Variants in ARHGAP29 observed in about 807,000 individuals in gnomAD.
ARHGAP29 encodes Rho GTPase activating protein 29, also known as rho GTPase-activating protein 29.
Under a neutral mutation model 122.6 loss-of-function variants are expected in ARHGAP29, and 43 were observed. That is an observed-to-expected ratio of 0.35 (90% CI 0.27 to 0.45). The LOEUF is 0.45. ARHGAP29 is among the 20% of genes least tolerant of loss of function. ARHGAP29 has a pLI of 1.00. For missense variants in ARHGAP29, 1,303 were observed against 1,477.2 expected (o/e 0.88, Z 1.93); for synonymous variants, 506 against 497.1 (o/e 1.02, Z -0.24).
Position 94,178,095 on chromosome 1 carries a change from A to G in ARHGAP29, c.2553T>C (p.Ile851=), listed in dbSNP as rs1436242635. The change falls in exon 21 of 23, where the codon ATT becomes ATC. Residue 851 remains isoleucine, a synonymous_variant. Transcript: ENST00000260526. ...NLGVIFGPSL[I]RPRPTTAPIT... is the part of the protein sequence containing the mutation. ...TAGGAGCAGTTGTGGGCCTTGGCCT[A>G]ATGAGACTTGGTCCAAATATCACCC... is the stretch of plus-strand genomic sequence containing the variant. 2.5e-6 allele frequency: 4 copies of G among 1,614,160 alleles called. No homozygotes were observed. The highest frequency in any genetic ancestry group is 3.4e-6 in the Non-Finnish European group (4 of 1,180,030).
At chr1:94,309,752 T>G in the ARHGAP29 span, among the ~76,000 whole-genome samples, 1 of 152,146 alleles carries the variant, frequency 6.6e-6, no homozygotes, top group Non-Finnish European at 1.5e-5. Context: ...TTCGAAGACA[T>G]GAGAGTCAAT....
At chr1:94,177,352 A>G (rs1649158791) in intron 22 of ARHGAP29, 1 of 299,372 alleles carries the variant, frequency 3.3e-6, no homozygotes, top group Non-Finnish European at 6.2e-6. Context: ...TCAAAAACAA[A>G]AACAAAATTC....
At chr1:94,265,619 G>A (rs1355496702) in intron 1 of ARHGAP29, among the ~76,000 whole-genome samples, 1 of 152,162 alleles carries the variant, frequency 6.6e-6, no homozygotes, top group Non-Finnish European at 1.5e-5. Flanking sequence ...TCCCTCTATA[G>A]CGTGTTCTTA....
At chr1:94,219,551 T>G in intron 3 of ARHGAP29, among the ~76,000 whole-genome samples, 1 of 152,280 alleles carries the variant, frequency 6.6e-6, no homozygotes, top group East Asian at 1.9e-4. Flanking sequence ...CAGCTTCCGC[T>G]CATTTAAGCC....
chr1:94,173,900 T>C lies in ARHGAP29; in HGVS notation c.3755A>G (p.Asp1252Gly). The change falls in exon 23 of 23, where the codon GAC becomes GGC. Residue 1252 changes from aspartate to glycine, a missense_variant. Around this residue, in one of 3 missense-constraint regions of ARHGAP29, gnomAD observed 620 missense variants for 651.2 expected, o/e 0.95. Transcript: ENST00000260526. ...AAATTGTGGAATTTCACCTTCGAGG[T>C]CTTCAAACTGTTGCATTCGTTTTAG... is the stretch of plus-strand genomic sequence containing the variant. ...PRLKRMQQFE[D>G]LEGEIPQFV 6.2e-7 allele frequency: 1 copy of C among 1,607,408 alleles called. No homozygotes were observed. Among genetic ancestry groups the C allele is most frequent in the Admixed American group, 1.7e-5 (1 of 59,264 alleles).
chr1:94,296,149 T>A, the ARHGAP29 span, among the ~76,000 whole-genome samples: 1 of 152,212 alleles, frequency 6.6e-6, no homozygotes, highest in African/African-American at 2.4e-5. Context: ...ATTCATAAGT[T>A]TTAAATTGTG....
intron 1 of ARHGAP29, among the ~76,000 whole-genome samples, chr1:94,243,799 G>C (rs1055861269): frequency 6.6e-6 from 1 of 151,500 alleles, no homozygotes; most frequent in Non-Finnish European, 1.5e-5. Context: ...GGCTGATCGA[G>C]AAATAGAGAA....
rs368861768 is a variant in ARHGAP29, at chr1:94,243,267, A to G, written c.-32-11624T>C. ...GAATATGCATTCATTTCAAATGTAT[A>G]TGGAATATTCATAAGATAGGCCATA... On this transcript the variant is annotated intron_variant and NMD_transcript_variant, in intron 1 of 25. Coordinates refer to the ARHGAP29 transcript ENST00000552844. Among the ~76,000 whole-genome samples, 8 of 152,074 alleles carry G rather than the reference A, an allele frequency of 5.3e-5. No homozygotes were observed. In the East Asian group the frequency reaches 7.7e-4, roughly 15 times the overall value.
chr1:94,289,615 A>G, the ARHGAP29 span, among the ~76,000 whole-genome samples: 6 of 152,292 alleles, frequency 3.9e-5, no homozygotes, highest in African/African-American at 1.4e-4. Context: ...TCAGTATGAT[A>G]TTGGCTGTGG....
chr1:94,211,430 G>A (rs151058673), intron 3 of ARHGAP29, among the ~76,000 whole-genome samples: 53 of 151,182 alleles, frequency 3.5e-4, no homozygotes, highest in Non-Finnish European at 7.1e-4. Context: ...ATAACCCTTC[G>A]CAATAACTGA....
chr1:94,210,326 T>C (rs1260028119), intron 3 of ARHGAP29, among the ~76,000 whole-genome samples: 9 of 152,196 alleles, frequency 5.9e-5, no homozygotes, highest in Admixed American at 2.6e-4. Context: ...CTGGGGAGTT[T>C]TATTAATAAA....
chr1:94,196,477 G>A (rs2101473562), intron 12 of ARHGAP29, among the ~76,000 whole-genome samples: 1 of 151,492 alleles, frequency 6.6e-6, no homozygotes, highest in Admixed American at 6.6e-5. Flanking sequence ...TAGCCAGGAT[G>A]GTCTCGATCT....
intron 1 of ARHGAP29, among the ~76,000 whole-genome samples, chr1:94,263,673 C>T (rs188372528): frequency 1.9e-4 from 29 of 152,130 alleles, no homozygotes; most frequent in African/African-American, 6.7e-4. Context: ...TATCACTATC[C>T]GTGATAGTGA....
chr1:94,188,791 T>G (rs750375537), intron 15 of ARHGAP29, 46 bp downstream of exon 15: 2 of 1,469,650 alleles, frequency 1.4e-6, no homozygotes, highest in Admixed American at 1.8e-5. Context: ...AAAAAAGGAC[T>G]GATCTTTCAA....
At chr1:94,214,643 T>A (rs1202839868) in intron 3 of ARHGAP29, among the ~76,000 whole-genome samples, 2 of 152,192 alleles carry the variant, frequency 1.3e-5, no homozygotes, top group Non-Finnish European at 2.9e-5. Context: ...AACTGGTGTC[T>A]CTGTCTCCAC....
At chr1:94,207,165 T>A (rs1651256283) in intron 5 of ARHGAP29, among the ~76,000 whole-genome samples, 2 of 151,664 alleles carry the variant, frequency 1.3e-5, no homozygotes, top group African/African-American at 4.8e-5. Flanking sequence ...CACATCACCC[T>A]TCCTGGCTAA....
the ARHGAP29 span, among the ~76,000 whole-genome samples, chr1:94,280,379 T>C: frequency 6.6e-6 from 1 of 152,174 alleles, no homozygotes; most frequent in African/African-American, 2.4e-5. Flanking sequence ...ACCATCTTCC[T>C]GTCCTCCAAC....
intron 15 of ARHGAP29, 111 bp downstream of exon 15, chr1:94,188,726 C>G (rs1297280810): frequency 1.2e-6 from 1 of 863,980 alleles, no homozygotes; most frequent in East Asian, 2.5e-5. Context: ...TGTACACTTT[C>G]CTCTCTATTA....
At chr1:94,261,435 T>C (rs1472750343) in intron 1 of ARHGAP29, among the ~76,000 whole-genome samples, 2 of 152,144 alleles carry the variant, frequency 1.3e-5, no homozygotes, top group African/African-American at 2.4e-5. Flanking sequence ...CTCAACAAAA[T>C]TAAGACGATT....
Sources: allele counts gnomAD v4.1 joint callset (sites outside exome capture counted in the v4.1 genomes callset), GRCh38; gene constraint gnomAD v4.1.1; regional missense constraint gnomAD v4.1.1; transcripts MANE v1.5; gene names NCBI Gene and HGNC (gene_info 2026-07-23, HGNC 2026-07-21).